Variants in ADRA1A observed in about 807,000 individuals in gnomAD.
ADRA1A encodes adrenoceptor alpha 1A, also known as alpha-1A adrenergic receptor.
In ADRA1A, 31 loss-of-function variants were observed where a neutral mutation model predicts 29.6. The ratio of observed to expected loss-of-function variants is 1.05; its 90% CI spans 0.79 to 1.41. The LOEUF (loss-of-function observed/expected upper bound fraction) is 1.41, where lower values mean the gene tolerates loss of function less well. Ranked by LOEUF, ADRA1A falls within the 40% of genes most tolerant of loss-of-function variation. The pLI, the probability that ADRA1A is intolerant of heterozygous loss-of-function variation, is 0.00. For missense variants in ADRA1A, 619 were observed against 601.1 expected, an observed-to-expected ratio of 1.03 and a Z score of -0.31; for synonymous variants, 311 against 254.3, an observed-to-expected ratio of 1.22 and a Z score of -2.12.
intron 2 of ADRA1A, among the ~76,000 whole-genome samples, chr8:26,778,468 C>T (rs1806708651): frequency 6.6e-6 from 1 of 152,162 alleles, no homozygotes; most frequent in African/African-American, 2.4e-5. Context: ...TTTTCCAAGC[C>T]TTGTCAATTT....
chr8:26,856,067 C>A (rs1813023597), intron 2 of ADRA1A, among the ~76,000 whole-genome samples: 1 of 152,170 alleles, frequency 6.6e-6, no homozygotes, highest in South Asian at 2.1e-4. Context: ...GTCTTCTGAG[C>A]CTGCAGCACG....
chr8:26,840,559 AG>A (rs1811745851), intron 2 of ADRA1A, among the ~76,000 whole-genome samples: 1 of 151,898 alleles, frequency 6.6e-6, no homozygotes, highest in Non-Finnish European at 1.5e-5. Context: ...CTTCTTGGGA[AG>A]TTTCTTTTTT....
chr8:26,824,911 A>C (rs947341419), intron 2 of ADRA1A, among the ~76,000 whole-genome samples: 1 of 152,330 alleles, frequency 6.6e-6, no homozygotes, highest in South Asian at 2.1e-4. Flanking sequence ...TCTCCAATGC[A>C]TGAGTATGTC....
chr8:26,864,835 G>A lies in ADRA1A; in HGVS notation c.135C>T (p.Ile45=). 6.2e-7 allele frequency: 1 copy of A among 1,614,156 alleles called. No homozygotes were observed. The highest frequency in any genetic ancestry group is 8.5e-7 in the Non-Finnish European group (1 of 1,180,036). The stretch of plus-strand genomic sequence containing the variant: ...GACAGGCTACGGAGAGGATCACTAG[G>A]ATGTTACCCAGCACCCCGAAAAGAA... ...GLILFGVLGN[I]LVILSVACHR... is the part of the protein sequence containing the mutation. Residue 45 remains isoleucine, a synonymous_variant, in exon 2 of 3, where the codon ATC becomes ATT. Coordinates refer to ENST00000380573, the MANE Select transcript of ADRA1A (RefSeq NM_000680.4). The surrounding 1 kb of genome is among the most constrained non-coding windows in gnomAD (Gnocchi z 8.1).
At chr8:26,856,309 TCC>T (rs1813041089) in intron 2 of ADRA1A, among the ~76,000 whole-genome samples, 1 of 152,212 alleles carries the variant, frequency 6.6e-6, no homozygotes, top group South Asian at 2.1e-4. Flanking sequence ...AGGATACAGC[TCC>T]CCTTGTCCTG....
intron 2 of ADRA1A, among the ~76,000 whole-genome samples, chr8:26,811,208 G>T (rs34812803): frequency 0.13 from 16,620 of 129,836 alleles, 1,270 homozygotes; most frequent in East Asian, 0.39. Flanking sequence ...TTTTTTTTTT[G>T]TTGAGACGGA....
intron 2 of ADRA1A, among the ~76,000 whole-genome samples, chr8:26,786,160 T>C (rs1448840838): frequency 6.6e-6 from 1 of 152,168 alleles, no homozygotes; most frequent in Non-Finnish European, 1.5e-5. Context: ...GCTCTTGCCT[T>C]CCGCTCCTGG....
downstream of ADRA1A, among the ~76,000 whole-genome samples, chr8:26,753,750 C>T (rs1216469244): frequency 1.3e-5 from 2 of 152,166 alleles, no homozygotes; most frequent in African/African-American, 2.4e-5. Context: ...ATTTTCTTTG[C>T]ACTACCCACT....
chr8:26,774,420 G>A (rs1806394808), intron 2 of ADRA1A, among the ~76,000 whole-genome samples: 1 of 152,194 alleles, frequency 6.6e-6, no homozygotes, highest in Non-Finnish European at 1.5e-5. Flanking sequence ...TGTAATCACT[G>A]CACTTTGGGA....
intron 2 of ADRA1A, among the ~76,000 whole-genome samples, chr8:26,855,926 A>T (rs1002004076): frequency 6.6e-6 from 1 of 152,240 alleles, no homozygotes; most frequent in African/African-American, 2.4e-5. Context: ...ATGAGGTGAC[A>T]GAACACAGCA....
intron 2 of ADRA1A, among the ~76,000 whole-genome samples, chr8:26,812,738 C>T (rs1289101600): frequency 6.6e-6 from 1 of 151,760 alleles, no homozygotes; most frequent in Non-Finnish European, 1.5e-5. Flanking sequence ...GGTCTCGGCT[C>T]ACTGCAAGCT....
Position 26,864,041 on chromosome 8 carries a change from G to T in ADRA1A, c.883+46C>A. ...AGTCTGGGGTAACAGAAGCCGAGGA[G>T]GGTGAAGACCCCCAGATGCTAAAGT... On this transcript the variant is annotated intron_variant, in intron 2 of 2. Transcript: ENST00000380573. This position sits in a 1 kb window ranked among gnomAD's most constrained non-coding sequence, Gnocchi z 8.1. 1.3e-6 allele frequency: 2 copies of T among 1,553,652 alleles called. No individual in the cohort carries two copies. The highest frequency in any genetic ancestry group is 2.5e-5 in the South Asian group (2 of 80,392).
Position 26,866,795 on chromosome 8 carries a change from G to C in ADRA1A, c.-687+141C>G, listed in dbSNP as rs1353607314. On this transcript the variant is annotated intron_variant, in intron 1 of 2. Coordinates refer to ENST00000380573, the MANE Select transcript of ADRA1A (RefSeq NM_000680.4). The surrounding 1 kb of genome is among the most constrained non-coding windows in gnomAD (Gnocchi z 5.7). Reference sequence around the variant, plus strand: ...CGCAGAAGATGTAAGGGAATCGGGGGTGGGGTAGAGGGGCCGGTATAAAAC... The same window carrying C: ...CGCAGAAGATGTAAGGGAATCGGGGCTGGGGTAGAGGGGCCGGTATAAAAC... 2 of 739,356 alleles carry C rather than the reference G, an allele frequency of 2.7e-6. No homozygotes were observed. Among genetic ancestry groups the C allele is most frequent in the East Asian group, 1.3e-4 (1 of 7,706 alleles). 45.8% of individuals were successfully genotyped at this position (739,356 alleles called of 1,614,324 possible). A position where few individuals can be genotyped will look rare whatever the true frequency, so the allele number is the denominator to read the frequency against.
At chr8:26,850,025 C>CAAAAACAAAAAACAAAAAACA (rs1554511720) in intron 2 of ADRA1A, among the ~76,000 whole-genome samples, 1,901 of 121,574 alleles carry the variant, frequency 0.016, 61 homozygotes, top group African/African-American at 0.058. Flanking sequence ...GAGAGAAATG[C>CAAAAACAAAAAACAAAAAACA]AAAAACAAAA....
At chr8:26,774,046 T>C (rs537752170) in intron 2 of ADRA1A, among the ~76,000 whole-genome samples, 1 of 152,376 alleles carries the variant, frequency 6.6e-6, no homozygotes, top group South Asian at 2.1e-4. Flanking sequence ...AGGAATATTT[T>C]CTTTTTAATC....
intron 2 of ADRA1A, among the ~76,000 whole-genome samples, chr8:26,849,342 G>A (rs1486068109): frequency 6.6e-6 from 1 of 152,158 alleles, no homozygotes; most frequent in Non-Finnish European, 1.5e-5. Context: ...TTACATCCAG[G>A]CAGGATGGGA....
Position 26,769,119 on chromosome 8 carries a change from A to G in ADRA1A, c.*1030T>C. On this transcript the variant is annotated 3_prime_UTR_variant, in exon 3 of 3. Transcript: ENST00000380573. ...CATTCATTATGCAATAGTGAAGCAG[A>G]TAAGAAGTAATGGGAGACAATCTTT... 3.0e-6 allele frequency: 3 copies of G among 985,440 alleles called. No homozygotes were observed. The highest frequency in any genetic ancestry group is 9.4e-5 in the South Asian group (2 of 21,290). 61.0% of individuals were successfully genotyped at this position (985,440 alleles called of 1,614,324 possible).
chr8:26,829,203 C>T (rs1810800995), intron 2 of ADRA1A, among the ~76,000 whole-genome samples: 1 of 152,006 alleles, frequency 6.6e-6, no homozygotes, highest in Admixed American at 6.6e-5. Flanking sequence ...AATGCCAAAG[C>T]CAGGGTCTAG....
chr8:26,829,345 A>T (rs989642280), intron 2 of ADRA1A, among the ~76,000 whole-genome samples: 2 of 152,216 alleles, frequency 1.3e-5, no homozygotes, highest in Non-Finnish European at 2.9e-5. Context: ...TGGGAAAGGA[A>T]CAATCAAAAA....
Sources: gnomAD v4.1 joint callset for allele counts (sites outside exome capture counted in the v4.1 genomes callset) on GRCh38, gnomAD v4.1.1 for gene constraint, Gnocchi (gnomAD v3.1) non-coding constraint, MANE v1.5 for transcripts, NCBI Gene and HGNC (gene_info 2026-07-23, HGNC 2026-07-21) for gene names.